ACSBG1: variants seen among roughly 807,000 people sequenced by gnomAD.
ACSBG1 encodes the protein long-chain-fatty-acid--CoA ligase ACSBG1.
Under a neutral mutation model 80.2 loss-of-function variants are expected in ACSBG1, and 39 were observed. The observed-to-expected ratio is 0.49, with a 90% CI of 0.38 to 0.64. The LOEUF is 0.64. ACSBG1 is among the 30% of genes least tolerant of loss of function. ACSBG1 has a pLI of 0.00. For missense variants in ACSBG1, 828 were observed against 966.4 expected (o/e 0.86, Z 1.90); for synonymous variants, 392 against 379.5 (o/e 1.03, Z -0.38).
rs1226908091 is a variant in ACSBG1, at chr15:78,182,633, G to A, written c.745-18C>T. 1 of 1,613,890 alleles carries A rather than the reference G, an allele frequency of 6.2e-7. No homozygotes were observed. The highest frequency in any genetic ancestry group is 1.1e-5 in the South Asian group (1 of 91,092). On this transcript the variant is annotated intron_variant, in intron 6 of 13. Transcript: ENST00000258873. ...TCCTCCATCTGTAGCCAGATGCAGG[G>A]AGCAGGCAGGCTAGGTCAGCTGGGT... is the stretch of plus-strand genomic sequence containing the variant.
intron 5 of ACSBG1, 97 bp downstream of exon 5, chr15:78,193,409 C>G: frequency 6.6e-7 from 1 of 1,513,050 alleles, no homozygotes; most frequent in Non-Finnish European, 8.9e-7. Context: ...GATGAGGACA[C>G]TCTGGATGGA....
intron 5 of ACSBG1, among the ~76,000 whole-genome samples, chr15:78,183,586 A>T (rs2074971066): frequency 6.6e-6 from 1 of 152,082 alleles, no homozygotes; most frequent in African/African-American, 2.4e-5. Flanking sequence ...ACAAAAAGAA[A>T]CTCGAAGGTT....
At chr15:78,221,886 G>A (rs748675202) in intron 1 of ACSBG1, among the ~76,000 whole-genome samples, 44 of 152,204 alleles carry the variant, frequency 2.9e-4, no homozygotes, top group Non-Finnish European at 5.3e-4. Flanking sequence ...TAAAGCACAT[G>A]TTTCTGTGAG....
chr15:78,183,134 G>A (rs553222611), intron 5 of ACSBG1, among the ~76,000 whole-genome samples: 2 of 152,350 alleles, frequency 1.3e-5, no homozygotes, highest in East Asian at 1.9e-4. Flanking sequence ...AGGAGAGAGG[G>A]AGAGAATTCT....
Position 78,177,646 on chromosome 15 carries a change from C to A in ACSBG1, c.1702+968G>T, listed in dbSNP as rs552701196. Among the ~76,000 whole-genome samples, 23 of 152,292 alleles carry A rather than the reference C, an allele frequency of 1.5e-4. No individual in the cohort carries two copies. The highest frequency in any genetic ancestry group is 5.5e-4 in the African/African-American group (23 of 41,566). On this transcript the variant is annotated intron_variant, in intron 11 of 13. Transcript: ENST00000258873. The surrounding 1 kb of genome is among the most constrained non-coding windows in gnomAD (Gnocchi z 4.1). ...CTCCAGGGCTCATCAGCCTGCACATCCCAGGGCCCAAACGCCACCGCGACC... is the reference window on the plus strand; with the variant it reads ...CTCCAGGGCTCATCAGCCTGCACATACCAGGGCCCAAACGCCACCGCGACC...
chr15:78,189,512 T>C (rs2075037624), intron 5 of ACSBG1, among the ~76,000 whole-genome samples: 3 of 152,108 alleles, frequency 2.0e-5, no homozygotes, highest in Admixed American at 2.0e-4. Flanking sequence ...TGAGTTCATG[T>C]CCTTTGTAGG....
At chr15:78,200,044 GA>G (rs1253594377) in intron 2 of ACSBG1, among the ~76,000 whole-genome samples, 1 of 152,150 alleles carries the variant, frequency 6.6e-6, no homozygotes, top group Admixed American at 6.5e-5. Context: ...CGGATCAAGA[GA>G]AAAGAGTGTT....
In ACSBG1 at chr15:78,174,283, A is replaced by G. The variant is rs1213255649; in HGVS notation, c.1842+102T>C. On this transcript the variant is annotated intron_variant, in intron 12 of 13. Transcript: ENST00000258873. ...ACTTGAGTCATTCCAGAATGAAGCC[A>G]TGAGATCTGGATGTGCCCTGTGCTG... 3.3e-6 allele frequency: 5 copies of G among 1,499,264 alleles called. No individual in the cohort carries two copies. The African/African-American group carries it at 6.9e-5, about 21-fold the overall frequency. The allele number at this position is 1,499,264 out of a possible 1,614,324, so 92.9% of individuals were successfully genotyped here. A position where few individuals can be genotyped will look rare whatever the true frequency, so the allele number is the denominator to read the frequency against.
chr15:78,221,658 C>G (rs2075360672), intron 1 of ACSBG1, among the ~76,000 whole-genome samples: 1 of 152,124 alleles, frequency 6.6e-6, no homozygotes, highest in Non-Finnish European at 1.5e-5. Flanking sequence ...CTTTCCCTTC[C>G]CATGAGGCCA....
chr15:78,200,425 G>A (rs540241102), intron 2 of ACSBG1, among the ~76,000 whole-genome samples: 3 of 152,314 alleles, frequency 2.0e-5, no homozygotes, highest in South Asian at 2.1e-4. Context: ...CCAGCTGGAA[G>A]AGGAGATTCT....
chr15:78,171,082 A>AC lies in ACSBG1; in HGVS notation c.*361dup, dbSNP rs538957030. The AC allele has an allele frequency of 4.5e-5, 8 of 177,116 alleles. No homozygotes were observed. In the East Asian group the frequency reaches 1.1e-3, roughly 24 times the overall value. The allele number at this position is 177,116 out of a possible 1,614,324, so 11.0% of individuals were successfully genotyped here. On this transcript the variant is annotated 3_prime_UTR_variant, in exon 14 of 14. Transcript: ENST00000258873. ...GAGCAGTATCAGCCATCTCTCTCCT[A>AC]CCCGCTCCACAGCCTACTGCTGGCT...
At chr15:78,227,480 A>T (rs1401952832) in intron 1 of ACSBG1, among the ~76,000 whole-genome samples, 1 of 152,152 alleles carries the variant, frequency 6.6e-6, no homozygotes, top group Non-Finnish European at 1.5e-5. Context: ...TCATCAGGGA[A>T]ATTTAAATTA....
chr15:78,207,917 T>TCCCCCCCCCCCCCCCCCCCCCC, intron 2 of ACSBG1, 85 bp downstream of exon 2: 22 of 876,062 alleles, frequency 2.5e-5, no homozygotes, highest in East Asian at 8.1e-5. Context: ...TGTGTGGTGG[T>TCCCCCCCCCCCCCCCCCCCCCC]CCCCCACACC....
chr15:78,215,786 G>GAGAA lies in ACSBG1; in HGVS notation c.132-7688_132-7685dup, dbSNP rs1268291871. ...AGAAAGAAAGAAAGAAAGAAAGAAA[G>GAGAA]AGAAAGAAAGAGAGAAAGGAAGGAT... On this transcript the variant is annotated intron_variant, in intron 1 of 13. Coordinates refer to ENST00000258873, the MANE Select transcript of ACSBG1 (RefSeq NM_015162.5). Among the ~76,000 whole-genome samples, 4 of 123,036 alleles carry GAGAA rather than the reference G, an allele frequency of 3.3e-5. No individual in the cohort carries two copies. The East Asian group carries it at 1.1e-3, about 34-fold the overall frequency. 80.7% of individuals were successfully genotyped at this position (123,036 alleles called of 152,430 possible).
At chr15:78,212,890 C>T (rs1049043011) in intron 1 of ACSBG1, among the ~76,000 whole-genome samples, 5 of 152,146 alleles carry the variant, frequency 3.3e-5, no homozygotes, top group Non-Finnish European at 4.4e-5. Context: ...GAGAATGCCT[C>T]GCAGGAGGTG....
Position 78,178,759 on chromosome 15 carries a change from G to A in ACSBG1, c.1557C>T (p.Cys519=). ...CCATGAATATGGTGCGGCCCCACAG[G>A]CAGATCTCGCCAATGCCCTCTGCGT... is the stretch of plus-strand genomic sequence containing the variant. The part of the protein sequence containing the change: ...NQDAEGIGEI[C]LWGRTIFMGY... The change falls in exon 11 of 14, where the codon TGC becomes TGT. Residue 519 remains cysteine (C), a synonymous_variant. Transcript: ENST00000258873. This position sits in a 1 kb window ranked among gnomAD's most constrained non-coding sequence, Gnocchi z 4.3. 1 of 1,614,118 alleles carries A rather than the reference G, an allele frequency of 6.2e-7. No individual in the cohort carries two copies. The highest frequency in any genetic ancestry group is 1.3e-5 in the African/African-American group (1 of 75,066).
Position 78,174,311 on chromosome 15 carries a change from T to C in ACSBG1, c.1842+74A>G, listed in dbSNP as rs1567077547. The C allele has an allele frequency of 1.9e-6, 3 of 1,600,390 alleles. No individual in the cohort carries two copies. In the East Asian group the frequency reaches 6.7e-5, roughly 36 times the overall value. On this transcript the variant is annotated intron_variant, in intron 12 of 13. Coordinates refer to ENST00000258873, the MANE Select transcript of ACSBG1 (RefSeq NM_015162.5). ...AGATCTGGATGTGCCCTGTGCTGAA[T>C]GTGGCTTCTGCCAGCCAGACCCACA...
chr15:78,176,936 ATAAATAAATAAATAGG>A (rs1375270057), intron 11 of ACSBG1, among the ~76,000 whole-genome samples: 6 of 152,182 alleles, frequency 3.9e-5, no homozygotes, highest in African/African-American at 7.2e-5. Context: ...TCAAAAATAA[ATAAATAAATAAATAGG>A]TAAATAAATA....
intron 2 of ACSBG1, among the ~76,000 whole-genome samples, chr15:78,201,687 C>T (rs1197750410): frequency 6.6e-6 from 1 of 152,262 alleles, no homozygotes; most frequent in Non-Finnish European, 1.5e-5. Context: ...GCTCTGCTCA[C>T]ACCGTGTCCT....
Sources: allele counts gnomAD v4.1 joint callset (sites outside exome capture counted in the v4.1 genomes callset), GRCh38; gene constraint gnomAD v4.1.1; non-coding constraint Gnocchi (gnomAD v3.1); transcripts MANE v1.5; gene names NCBI Gene and HGNC (gene_info 2026-07-23, HGNC 2026-07-21).